Variants in XRCC4 observed in about 807,000 individuals in gnomAD.
The protein encoded by XRCC4 is X-ray repair cross complementing 4, also known as DNA repair protein XRCC4.
XRCC4 carries 28 observed loss-of-function variants against 39.1 expected under a neutral mutation model. That is an observed-to-expected ratio of 0.72 (90% confidence interval 0.53 to 0.98). The LOEUF is 0.98. XRCC4 is among the 50% of genes least tolerant of loss of function. The probability of loss-of-function intolerance (pLI) is 0.00; values close to 1 mark genes in which losing one functional copy is unlikely to be tolerated. For missense variants in XRCC4, 350 were observed against 376.4 expected, an observed-to-expected ratio of 0.93 and a Z score of 0.58; for synonymous variants, 123 against 126.4, an observed-to-expected ratio of 0.97 and a Z score of 0.18.
chr5:83,204,779 C>T (rs1325698034), intron 5 of XRCC4, 36 bp from the exon 6 acceptor site: 1 of 1,535,482 alleles, frequency 6.5e-7, no homozygotes, highest in East Asian at 2.3e-5. Flanking sequence ...AGGGGGTGAG[C>T]CAGTTATTTA....
intron 7 of XRCC4, among the ~76,000 whole-genome samples, chr5:83,263,310 T>G (rs1753830990): frequency 6.6e-6 from 1 of 151,920 alleles, no homozygotes; most frequent in African/African-American, 2.4e-5. Flanking sequence ...AACATACATG[T>G]GCATGTGTCT....
intron 7 of XRCC4, among the ~76,000 whole-genome samples, chr5:83,271,607 C>G (rs1240079375): frequency 1.3e-5 from 2 of 152,070 alleles, no homozygotes; most frequent in Admixed American, 1.3e-4. Context: ...GTTTTGCCTT[C>G]TGTATTATAT....
intron 7 of XRCC4, among the ~76,000 whole-genome samples, chr5:83,315,636 A>G (rs1561471091): frequency 1.3e-5 from 2 of 152,158 alleles, no homozygotes; most frequent in East Asian, 1.9e-4. Flanking sequence ...AGCTAAATCT[A>G]TGCTGCCTTT....
At chr5:83,107,295 T>C (rs112387101) in intron 2 of XRCC4, among the ~76,000 whole-genome samples, 15 of 152,006 alleles carry the variant, frequency 9.9e-5, no homozygotes, top group African/African-American at 3.6e-4. Context: ...TCTGGTACTT[T>C]ACATGTAGAC....
chr5:83,373,205 CCTT>C, the XRCC4 span, among the ~76,000 whole-genome samples: 2 of 151,968 alleles, frequency 1.3e-5, no homozygotes, highest in Non-Finnish European at 2.9e-5. Context: ...ATCCGTCTGC[CCTT>C]CTTTGCTTTA....
At chr5:83,302,070 G>A (rs1409467503) in intron 7 of XRCC4, among the ~76,000 whole-genome samples, 2 of 152,106 alleles carry the variant, frequency 1.3e-5, no homozygotes, top group South Asian at 2.1e-4. Context: ...TACTAAGCTC[G>A]AGCGTCCCAG....
At chr5:83,296,317 C>CT (rs1439514907) in intron 7 of XRCC4, among the ~76,000 whole-genome samples, 2 of 152,040 alleles carry the variant, frequency 1.3e-5, no homozygotes, top group Admixed American at 6.6e-5. Context: ...TATTCTGACA[C>CT]TTTAATTTAT....
At chr5:83,357,904 G>C (rs1410274018), downstream of XRCC4, among the ~76,000 whole-genome samples, 1 of 152,146 alleles carries the variant, frequency 6.6e-6, no homozygotes, top group Non-Finnish European at 1.5e-5. Context: ...TTTAATAAAA[G>C]TGAAACTAGC....
chr5:83,158,886 A>G (rs1209941086), intron 3 of XRCC4, among the ~76,000 whole-genome samples: 1 of 152,140 alleles, frequency 6.6e-6, no homozygotes, highest in Non-Finnish European at 1.5e-5. Context: ...AATTCCTTTT[A>G]TAATTCTCCT....
chr5:83,319,871 G>A (rs1216375268), intron 7 of XRCC4, among the ~76,000 whole-genome samples: 1 of 80,334 alleles, frequency 1.2e-5, no homozygotes, highest in African/African-American at 5.1e-5. Flanking sequence ...ATACCCAAAT[G>A]ACTATAAATC....
chr5:83,305,053 T>G (rs1309526397), intron 7 of XRCC4, among the ~76,000 whole-genome samples: 1 of 152,190 alleles, frequency 6.6e-6, no homozygotes, highest in Non-Finnish European at 1.5e-5. Flanking sequence ...GTAAGAACTC[T>G]TATGTTAGTG....
At chr5:83,254,467 A>G (rs1753451671) in intron 6 of XRCC4, among the ~76,000 whole-genome samples, 1 of 152,206 alleles carries the variant, frequency 6.6e-6, no homozygotes, top group African/African-American at 2.4e-5. Flanking sequence ...ATGAATACAT[A>G]TAACCTAATA....
chr5:83,311,101 A>G (rs942750641), intron 7 of XRCC4: 9 of 221,956 alleles, frequency 4.1e-5, no homozygotes, highest in Non-Finnish European at 7.5e-5. Flanking sequence ...TAATTTAGCC[A>G]TAAGAAACTA....
At chr5:83,315,516 C>T (rs575945515) in intron 7 of XRCC4, among the ~76,000 whole-genome samples, 1 of 152,104 alleles carries the variant, frequency 6.6e-6, no homozygotes, top group African/African-American at 2.4e-5. Context: ...GAAGTCAATT[C>T]TTGGCTTCAA....
the XRCC4 span, among the ~76,000 whole-genome samples, chr5:83,361,899 C>A: frequency 6.6e-6 from 1 of 152,084 alleles, no homozygotes; most frequent in Non-Finnish European, 1.5e-5. Flanking sequence ...CAACATATAT[C>A]CATAGAGTCC....
the XRCC4 span, among the ~76,000 whole-genome samples, chr5:83,365,755 GA>G: frequency 1.3e-5 from 2 of 152,162 alleles, no homozygotes; most frequent in African/African-American, 4.8e-5. Context: ...ACAAAAATAT[GA>G]GCAGAGTAAA....
At chr5:83,100,954 G>A (rs764248965) in intron 1 of XRCC4, among the ~76,000 whole-genome samples, 82 of 152,100 alleles carry the variant, frequency 5.4e-4, no homozygotes, top group Middle Eastern at 3.4e-3. Flanking sequence ...CTAGGCAAAG[G>A]ACCTTATTGT....
Position 83,210,854 on chromosome 5 carries a change from A to G in XRCC4, c.745+5933A>G, listed in dbSNP as rs567761442. Among the ~76,000 whole-genome samples, 119 of 152,272 alleles carry G rather than the reference A, an allele frequency of 7.8e-4. 1 individual carries two copies. The highest frequency in any genetic ancestry group is 3.4e-3 in the Middle Eastern group (1 of 292). On this transcript the variant is annotated intron_variant, in intron 6 of 7. Transcript: ENST00000396027. Reference sequence around the variant, plus strand: ...TCAGATTTTGACTTAGTATTTATTCACCTGAGAACTCTCAAATGTCCCAAA... The same window carrying G: ...TCAGATTTTGACTTAGTATTTATTCGCCTGAGAACTCTCAAATGTCCCAAA...
At chr5:83,181,454 T>C (rs1442041835) in intron 3 of XRCC4, among the ~76,000 whole-genome samples, 2 of 141,268 alleles carry the variant, frequency 1.4e-5, no homozygotes, top group Non-Finnish European at 3.1e-5. Flanking sequence ...TATTTAGACA[T>C]GGTATAAAAT....
Sources: allele counts gnomAD v4.1 joint callset (sites outside exome capture counted in the v4.1 genomes callset), GRCh38; gene constraint gnomAD v4.1.1; transcripts MANE v1.5; gene names NCBI Gene and HGNC (gene_info 2026-07-23, HGNC 2026-07-21).